ZNF90: variants seen among roughly 807,000 people sequenced by gnomAD.
The protein encoded by ZNF90 is zinc finger protein HTF9.
A neutral mutation model predicts 12.0 loss-of-function variants in ZNF90; 11 were observed. The ratio of observed to expected loss-of-function variants is 0.92; its 90% CI spans 0.58 to 1.52. The LOEUF is 1.52. ZNF90 is among the 40% of genes most tolerant of loss of function. The pLI is 0.00. For missense variants in ZNF90, 765 were observed against 711.5 expected, an observed-to-expected ratio of 1.08 and a Z score of -0.86; for synonymous variants, 232 against 240.1, an observed-to-expected ratio of 0.97 and a Z score of 0.31.
intron 3 of ZNF90, among the ~76,000 whole-genome samples, chr19:20,115,029 A>G (rs1322881648): frequency 6.6e-6 from 1 of 152,142 alleles, no homozygotes; most frequent in Non-Finnish European, 1.5e-5. Flanking sequence ...ATGAATCTAC[A>G]TATTGTTTAA....
chr19:20,081,822 T>G (rs2088822187), intron 1 of ZNF90, among the ~76,000 whole-genome samples: 1 of 151,382 alleles, frequency 6.6e-6, no homozygotes, highest in African/African-American at 2.4e-5. Context: ...TGGAGTGCAG[T>G]GGCGAGATCT....
chr19:20,080,195 G>T, intron 1 of ZNF90: 1 of 527,476 alleles, frequency 1.9e-6, no homozygotes, highest in East Asian at 4.8e-5. Context: ...AGCACATAAT[G>T]GGACTAGTAC....
chr19:20,116,810 G>T (rs562294340), intron 3 of ZNF90, among the ~76,000 whole-genome samples: 2 of 152,134 alleles, frequency 1.3e-5, no homozygotes, highest in Non-Finnish European at 2.9e-5. Context: ...TTGGGGTACT[G>T]CAGTTTCTCT....
chr19:20,078,243 C>A (rs1403365494), intron 1 of ZNF90, 108 bp downstream of exon 1: 49 of 1,422,960 alleles, frequency 3.4e-5, no homozygotes, highest in Non-Finnish European at 4.9e-6. Context: ...CCACAATCTG[C>A]GACCGACTTC....
Position 20,117,918 on chromosome 19 carries a change from G to T in ZNF90, c.364G>T (p.Glu122Ter). 2 of 1,613,134 alleles carry T rather than the reference G, an allele frequency of 1.2e-6. No homozygotes were observed. Among genetic ancestry groups the T allele is most frequent in the Non-Finnish European group, 1.7e-6 (2 of 1,179,686 alleles). ...ELKKGCESVD[E>*]GKVHKRGYNG... ...AAAAAAAGGTTGTGAAAGTGTGGAT[G>T]AGGGTAAAGTACACAAAAGAGGTTA... is the stretch of plus-strand genomic sequence containing the variant. The change falls in exon 4 of 4, where the codon GAG becomes TAG. Residue 122 changes from glutamate to a stop codon, truncating the protein, a stop_gained. Coordinates refer to ENST00000418063, the MANE Select transcript of ZNF90 (RefSeq NM_007138.2). LOFTEE classifies it low-confidence loss of function (END_TRUNC).
At chr19:20,111,256 G>C (rs1486254518) in intron 3 of ZNF90, among the ~76,000 whole-genome samples, 12 of 152,030 alleles carry the variant, frequency 7.9e-5, no homozygotes, top group African/African-American at 2.9e-4. Context: ...TTTTGAGATA[G>C]GGTCTCACTC....
rs1555704366 is a variant in ZNF90 at position 20,106,044 on chromosome 19, C to CATTTTTTTTT, written c.226+728_226+729insATTTTTTTTT. 2.7e-3 allele frequency among the ~76,000 whole-genome samples: 195 copies of CATTTTTTTTT among 70,914 alleles called. 2 individuals are homozygous for CATTTTTTTTT. The highest frequency in any genetic ancestry group is 6.5e-3 in the African/African-American group (122 of 18,738). 46.5% of individuals were successfully genotyped at this position (70,914 alleles called of 152,430 possible). A position where few individuals can be genotyped will look rare whatever the true frequency, so the allele number is the denominator to read the frequency against. ...TTATTTGGAACTTCTCTAATTTTTT[C>CATTTTTTTTT]TTTTTTTTTTTTTTTTTTTTTTTGG... On this transcript the variant is annotated intron_variant, in intron 3 of 3. Transcript: ENST00000418063.
intron 3 of ZNF90, among the ~76,000 whole-genome samples, chr19:20,110,424 A>T (rs146249009): frequency 5.9e-5 from 9 of 152,018 alleles, no homozygotes; most frequent in Non-Finnish European, 7.4e-5. Flanking sequence ...GATTACAGGC[A>T]CCCACTACCA....
Position 20,116,514 on chromosome 19 carries a change from A to G in ZNF90, c.227-1267A>G, listed in dbSNP as rs118144297. Among the ~76,000 whole-genome samples, 1,499 of 152,232 alleles carry G rather than the reference A, an allele frequency of 9.8e-3. 11 individuals are homozygous for G. The highest frequency in any genetic ancestry group is 0.013 in the Non-Finnish European group (868 of 67,996). On this transcript the variant is annotated intron_variant, in intron 3 of 3. Coordinates refer to ENST00000418063, the MANE Select transcript of ZNF90 (RefSeq NM_007138.2). ...AAAAATTACTTTATATGCTTTTTATAGTTGCTTTTGAAATGTTTTTCATTG... is the reference window on the plus strand; with the variant it reads ...AAAAATTACTTTATATGCTTTTTATGGTTGCTTTTGAAATGTTTTTCATTG...
At chr19:20,082,690 A>C (rs1416502160) in intron 1 of ZNF90, among the ~76,000 whole-genome samples, 1 of 152,170 alleles carries the variant, frequency 6.6e-6, no homozygotes, top group Non-Finnish European at 1.5e-5. Flanking sequence ...GTTTTTCCCC[A>C]TGTGATAGTC....
rs1555705891 is a variant in ZNF90, at chr19:20,118,029, A to C, written c.475A>C (p.Asn159His). The stretch of plus-strand genomic sequence containing the variant: ...TGTGAAAGTCTCTCATATATTTTCA[A>C]ATTCAAACAGACATAAGATAAGAGA... Reference protein sequence around the residue: ...TYVKVSHIFSNSNRHKIRDTG... With the variant: ...TYVKVSHIFSHSNRHKIRDTG... Residue 159 changes from asparagine (N) to histidine (H), a missense_variant, in exon 4 of 4, where the codon AAT becomes CAT. Asn to His is a moderately conservative substitution (Grantham distance 68). Transcript: ENST00000418063. 1 of 1,611,992 alleles carries C rather than the reference A, an allele frequency of 6.2e-7. No homozygotes were observed. The highest frequency in any genetic ancestry group is 2.2e-5 in the East Asian group (1 of 44,836).
chr19:20,079,306 GTT>G (rs34761787), intron 1 of ZNF90, among the ~76,000 whole-genome samples: 4,684 of 135,888 alleles, frequency 0.034, 120 homozygotes, highest in African/African-American at 0.077. Context: ...CAAAAGGAGG[GTT>G]TTTTTTTTTT....
intron 1 of ZNF90, among the ~76,000 whole-genome samples, chr19:20,090,386 G>A (rs959594247): frequency 1.3e-5 from 2 of 152,086 alleles, no homozygotes. Flanking sequence ...TAAGGGAAGT[G>A]GGGGAGAGTA....
chr19:20,108,813 G>A (rs1056407561), intron 3 of ZNF90, among the ~76,000 whole-genome samples: 2 of 132,602 alleles, frequency 1.5e-5, no homozygotes, highest in Non-Finnish European at 3.1e-5. Flanking sequence ...CACAATCTCT[G>A]CCTTCTGAGT....
At chr19:20,111,859 A>C (rs1555705153) in intron 3 of ZNF90, among the ~76,000 whole-genome samples, 1 of 137,132 alleles carries the variant, frequency 7.3e-6, no homozygotes, top group African/African-American at 3.3e-5. Flanking sequence ...TAACAGATTT[A>C]TGCAGATTTT....
At chr19:20,103,589 T>C (rs2089006995) in intron 1 of ZNF90, among the ~76,000 whole-genome samples, 1 of 152,236 alleles carries the variant, frequency 6.6e-6, no homozygotes, top group Admixed American at 6.5e-5. Context: ...GCAGCTGATA[T>C]GTATAAACCA....
chr19:20,105,392 A>G, intron 3 of ZNF90, 76 bp downstream of exon 3: 2 of 1,207,918 alleles, frequency 1.7e-6, no homozygotes, highest in Non-Finnish European at 2.3e-6. Context: ...GCCGGTCCTT[A>G]AAATGTGATT....
intron 1 of ZNF90, among the ~76,000 whole-genome samples, chr19:20,093,573 T>G (rs2088919327): frequency 6.6e-6 from 1 of 152,038 alleles, no homozygotes; most frequent in African/African-American, 2.4e-5. Flanking sequence ...GCAGATAATT[T>G]GGTTAAAATA....
chr19:20,120,352 C>T lies in ZNF90; in HGVS notation c.*992C>T, dbSNP rs28507750. On this transcript the variant is annotated 3_prime_UTR_variant, in exon 4 of 4. Coordinates refer to ENST00000418063, the MANE Select transcript of ZNF90 (RefSeq NM_007138.2). ...TGAAGAAGAGTATTCTGAAGACAAC[C>T]ATTACACATATAAAGGGGGTTGTAT... Among the ~76,000 whole-genome samples the T allele has an allele frequency of 6.3e-3, 952 of 152,210 alleles. 7 individuals carry two copies. The highest frequency in any genetic ancestry group is 0.022 in the African/African-American group (903 of 41,544).
Sources: allele counts gnomAD v4.1 joint callset (sites outside exome capture counted in the v4.1 genomes callset), GRCh38; gene constraint gnomAD v4.1.1; transcripts MANE v1.5; gene names NCBI Gene and HGNC (gene_info 2026-07-23, HGNC 2026-07-21).